Variants in BPIFC observed in about 807,000 individuals in gnomAD.
The protein encoded by BPIFC is BPI fold containing family C.
In BPIFC, 60 loss-of-function variants were observed where a neutral mutation model predicts 57.6. That is an observed-to-expected ratio of 1.04 (90% CI 0.85 to 1.29). BPIFC has a LOEUF of 1.29. Ranked by LOEUF, BPIFC falls within the 50% of genes most tolerant of loss-of-function variation. The pLI, the probability that BPIFC is intolerant of heterozygous loss-of-function variation, is 0.00. For missense variants in BPIFC, 581 were observed against 600.5 expected (o/e 0.97, Z 0.34); for synonymous variants, 243 against 224.5 (o/e 1.08, Z -0.74).
intron 12 of BPIFC, among the ~76,000 whole-genome samples, chr22:32,431,862 A>C (rs912433275): frequency 2.6e-5 from 4 of 152,136 alleles, no homozygotes; most frequent in Admixed American, 2.6e-4. Context: ...TGCATGAAGT[A>C]GAGACTGGAG....
At chr22:32,455,815 C>G (rs537823806) in intron 3 of BPIFC, among the ~76,000 whole-genome samples, 1 of 152,342 alleles carries the variant, frequency 6.6e-6, no homozygotes, top group South Asian at 2.1e-4. Flanking sequence ...GATCAACACA[C>G]AGCCCAGAAA....
Position 32,457,270 on chromosome 22 carries a change from A to T in BPIFC, c.117T>A (p.Leu39=). The T allele has an allele frequency of 6.3e-7, 1 of 1,599,824 alleles. No homozygotes were observed. Among genetic ancestry groups the T allele is most frequent in the African/African-American group, 1.4e-5 (1 of 73,806 alleles). Residue 39 remains leucine, a synonymous_variant, in exon 3 of 17, where the codon CTT becomes CTA. Transcript: ENST00000300399. The part of the protein sequence containing the change: ...GIKARITQRA[L]DYGVQAGMKM... ...TGAAAACATCCAACTCACCATAGTC[A>T]AGTGCCCTCTGAGTAATCCTTGCCT...
At chr22:32,441,689 A>T (rs1934569054) in intron 8 of BPIFC, among the ~76,000 whole-genome samples, 1 of 152,188 alleles carries the variant, frequency 6.6e-6, no homozygotes. Flanking sequence ...AACGGAAAGG[A>T]TTAAATCCTC....
intron 9 of BPIFC, among the ~76,000 whole-genome samples, chr22:32,436,659 A>G (rs1245765329): frequency 2.6e-5 from 4 of 152,316 alleles, no homozygotes; most frequent in South Asian, 2.1e-4. Context: ...TCTAAGACAA[A>G]GAAGGAGGTG....
intron 7 of BPIFC, among the ~76,000 whole-genome samples, chr22:32,443,663 T>C (rs1934632719): frequency 6.6e-6 from 1 of 152,208 alleles, no homozygotes; most frequent in South Asian, 2.1e-4. Context: ...GCATAGTGGG[T>C]ACAGCACAGG....
chr22:32,419,861 G>A (rs2145911229), intron 13 of BPIFC, among the ~76,000 whole-genome samples: 1 of 151,148 alleles, frequency 6.6e-6, no homozygotes, highest in South Asian at 2.1e-4. Context: ...AAATAAAACT[G>A]GGAAGACATC....
chr22:32,417,125 T>C lies in BPIFC; in HGVS notation c.1284A>G (p.Leu428=). 2 of 1,607,074 alleles carry C rather than the reference T, an allele frequency of 1.2e-6. No homozygotes were observed. Among genetic ancestry groups the C allele is most frequent in the Non-Finnish European group, 1.7e-6 (2 of 1,174,156 alleles). ...GGACTCCAAAGTGAAGAATGGACGA[T>C]AGAATATTTTCAAACCTCAAGACCT... The part of the protein sequence containing the change: ...NIEVLRFENI[L]SSILHFGVLP... Residue 428 remains leucine, a synonymous_variant, in exon 15 of 17, where the codon CTA becomes CTG. Transcript: ENST00000300399.
At chr22:32,452,132 G>A (rs1253939049) in intron 4 of BPIFC, among the ~76,000 whole-genome samples, 1 of 152,076 alleles carries the variant, frequency 6.6e-6, no homozygotes, top group African/African-American at 2.4e-5. Flanking sequence ...AAACTCCTGA[G>A]CTCAAGTGAT....
In BPIFC at chr22:32,424,753, C is replaced by CTCTTCTTCTTCTTCT. The variant is rs1556036707; in HGVS notation, c.1218-5364_1218-5350dup. ...CCTCTTCTTCTTCCTCTTCTTCTTC[C>CTCTTCTTCTTCTTCT]TCTTCTTCTTCTTCTTCTTCTTCTT... On this transcript the variant is annotated intron_variant, in intron 13 of 16. Transcript: ENST00000300399. 5.9e-4 allele frequency among the ~76,000 whole-genome samples: 21 copies of CTCTTCTTCTTCTTCT among 35,486 alleles called. 5 individuals carry two copies. Among genetic ancestry groups the CTCTTCTTCTTCTTCT allele is most frequent in the African/African-American group, 2.0e-3 (10 of 4,890 alleles). 23.3% of individuals were successfully genotyped at this position (35,486 alleles called of 152,430 possible).
chr22:32,442,021 G>A (rs192689953), intron 8 of BPIFC, among the ~76,000 whole-genome samples: 2 of 152,308 alleles, frequency 1.3e-5, no homozygotes, highest in East Asian at 1.9e-4. Flanking sequence ...ATGCTCAGTC[G>A]CCTGCCCACT....
chr22:32,452,752 TG>T (rs1934930439), intron 4 of BPIFC, among the ~76,000 whole-genome samples: 1 of 152,178 alleles, frequency 6.6e-6, no homozygotes, highest in African/African-American at 2.4e-5. Flanking sequence ...TATCACTGGA[TG>T]GGTAAAATCT....
intron 12 of BPIFC, among the ~76,000 whole-genome samples, chr22:32,431,954 G>A (rs1934255743): frequency 6.6e-6 from 1 of 152,066 alleles, no homozygotes. Flanking sequence ...ACCTCACTGA[G>A]ACAGGGTCTT....
intron 1 of BPIFC, among the ~76,000 whole-genome samples, chr22:32,463,078 C>A (rs1037945359): frequency 6.6e-6 from 1 of 152,076 alleles, no homozygotes; most frequent in Non-Finnish European, 1.5e-5. Context: ...TGATGGAGAT[C>A]CAGGAATCCA....
rs751353787 is a variant in BPIFC, at chr22:32,457,266, A to G, written c.121T>C (p.Tyr41His). The part of the protein sequence containing the change: ...KARITQRALD[Y>H]GVQAGMKMIE... ...CTTCTGAAAACATCCAACTCACCATAGTCAAGTGCCCTCTGAGTAATCCTT... is the reference window on the plus strand; with the variant it reads ...CTTCTGAAAACATCCAACTCACCATGGTCAAGTGCCCTCTGAGTAATCCTT... Residue 41 changes from tyrosine (Y) to histidine (H), a missense_variant, in exon 3 of 17, where the codon TAT becomes CAT. Transcript: ENST00000300399. 77 of 1,597,170 alleles carry G rather than the reference A, an allele frequency of 4.8e-5. No homozygotes were observed. Among genetic ancestry groups the G allele is most frequent in the Non-Finnish European group, 6.4e-5 (75 of 1,176,182 alleles).
chr22:32,433,208 A>G (rs958588221), intron 11 of BPIFC, among the ~76,000 whole-genome samples: 1 of 152,174 alleles, frequency 6.6e-6, no homozygotes, highest in Non-Finnish European at 1.5e-5. Flanking sequence ...GTCTCAAAAA[A>G]CAAACAAACA....
intron 4 of BPIFC, among the ~76,000 whole-genome samples, chr22:32,450,855 C>T (rs1934878031): frequency 6.6e-6 from 1 of 152,088 alleles, no homozygotes; most frequent in South Asian, 2.1e-4. Context: ...TGAAATACGT[C>T]TTGTTCCAAG....
At chr22:32,452,398 A>C (rs2145960821) in intron 4 of BPIFC, among the ~76,000 whole-genome samples, 1 of 152,252 alleles carries the variant, frequency 6.6e-6, no homozygotes, top group South Asian at 2.1e-4. Flanking sequence ...GCACTTTGGG[A>C]GGCCAAAGGC....
At chr22:32,453,623 C>T in intron 3 of BPIFC, 120 bp from the exon 4 acceptor site, 2 of 1,259,376 alleles carry the variant, frequency 1.6e-6, no homozygotes, top group Non-Finnish European at 1.0e-6. Flanking sequence ...TAGAAAATGG[C>T]AACCCCACAA....
chr22:32,459,701 A>AT (rs1189742613), intron 2 of BPIFC, among the ~76,000 whole-genome samples: 2 of 151,626 alleles, frequency 1.3e-5, no homozygotes, highest in African/African-American at 4.8e-5. Context: ...AAACTAAAAA[A>AT]TTAGCTGAGG....
Sources: allele counts gnomAD v4.1 joint callset (sites outside exome capture counted in the v4.1 genomes callset), GRCh38; gene constraint gnomAD v4.1.1; transcripts MANE v1.5; gene names NCBI Gene and HGNC (gene_info 2026-07-23, HGNC 2026-07-21).